The following MTOR variants were observed in gnomAD, a reference collection of about 807,000 sequenced individuals.
MTOR encodes the protein mechanistic target of rapamycin kinase, also known as serine/threonine-protein kinase mTOR.
MTOR carries 70 observed loss-of-function variants against 319.8 expected under a neutral mutation model. That is an observed-to-expected ratio of 0.22 (90% CI 0.18 to 0.27). The LOEUF (loss-of-function observed/expected upper bound fraction) is 0.27, where lower values mean the gene tolerates loss of function less well. Ranked by LOEUF, MTOR falls within the 10% of genes least tolerant of loss-of-function variation. The probability of loss-of-function intolerance (pLI) is 1.00; values close to 1 mark genes in which losing one functional copy is unlikely to be tolerated. For missense variants in MTOR, 1,890 were observed against 3,274.4 expected (o/e 0.58, Z 10.32); for synonymous variants, 1,183 against 1,211.4 (o/e 0.98, Z 0.49).
rs1286910536 is a variant in MTOR at position 11,210,775 on chromosome 1, AC to A, written c.3654+38del. 3 of 1,429,196 alleles carry A rather than the reference AC, an allele frequency of 2.1e-6. No homozygotes were observed. In the African/African-American group the frequency reaches 4.3e-5, roughly 20 times the overall value. 88.5% of individuals were successfully genotyped at this position (1,429,196 alleles called of 1,614,324 possible). ...ATTACAAGAATATCAAGTAGTAAAG[AC>A]AACAGGGACTTCAGAACAGAAAAGA... On this transcript the variant is annotated intron_variant, in intron 24 of 57. Transcript: ENST00000361445.
At chr1:11,159,814 C>T (rs1461247128) in intron 29 of MTOR, among the ~76,000 whole-genome samples, 1 of 152,048 alleles carries the variant, frequency 6.6e-6, no homozygotes, top group Non-Finnish European at 1.5e-5. Flanking sequence ...CAAGGCAAAC[C>T]ACAGTAAGCA....
At chr1:11,209,063 A>G (rs751752822) in intron 25 of MTOR, among the ~76,000 whole-genome samples, 12 of 152,206 alleles carry the variant, frequency 7.9e-5, no homozygotes, top group Non-Finnish European at 1.6e-4. Flanking sequence ...ATTTGCAACA[A>G]AAGGTTCTAC....
At position 11,176,113 on chromosome 1, in the gene MTOR, G is replaced by A. The variant is rs181814373; in HGVS notation, c.4254-8596C>T. Among the ~76,000 whole-genome samples the A allele has an allele frequency of 9.9e-5, 15 of 152,264 alleles. No homozygotes were observed. The East Asian group carries it at 1.2e-3, about 12-fold the overall frequency. On this transcript the variant is annotated intron_variant, in intron 28 of 57. Transcript: ENST00000361445. ...AATAGTGGGTCATTAACTGCTCAAG[G>A]ACTTAATGCTGACCCACAGCAAAGC... is the stretch of plus-strand genomic sequence containing the variant.
chr1:11,183,427 C>T (rs1237278565), intron 28 of MTOR, among the ~76,000 whole-genome samples: 1 of 152,102 alleles, frequency 6.6e-6, no homozygotes, highest in African/African-American at 2.4e-5. Context: ...ACCACTGTAC[C>T]TGGCTTCTTT....
rs575638023 is a variant in MTOR, at chr1:11,152,006, C to G, written c.4470-1780G>C. On this transcript the variant is annotated intron_variant, in intron 30 of 57. Coordinates refer to ENST00000361445, the MANE Select transcript of MTOR (RefSeq NM_004958.4). ...GACAAAGCAGGGAGCAATGTAGGAA[C>G]AGCAACTCAGAAGGGCAAGCCCTAG... is the stretch of plus-strand genomic sequence containing the variant. Among the ~76,000 whole-genome samples the G allele has an allele frequency of 9.5e-4, 145 of 152,314 alleles. 3 individuals are homozygous for G. Among genetic ancestry groups the G allele is most frequent in the South Asian group, 7.7e-3 (37 of 4,830 alleles).
chr1:11,136,844 A>AT lies in MTOR; in HGVS notation c.5131-2379dup, dbSNP rs113225104. On this transcript the variant is annotated intron_variant, in intron 36 of 57. Transcript: ENST00000361445. ...ACTACATTGACCAGTCTTAAATCTG[A>AT]TTTTTTTTTTTTTTGAAACAGAGTT... Among the ~76,000 whole-genome samples the AT allele has an allele frequency of 5.6e-3, 724 of 129,534 alleles. 4 individuals are homozygous for AT. The highest frequency in any genetic ancestry group is 0.013 in the African/African-American group (477 of 35,388). 85.0% of individuals were successfully genotyped at this position (129,534 alleles called of 152,430 possible). A position where few individuals can be genotyped will look rare whatever the true frequency, so the allele number is the denominator to read the frequency against.
intron 5 of MTOR, among the ~76,000 whole-genome samples, chr1:11,254,768 CTTT>C (rs1260367652): frequency 7.0e-6 from 1 of 141,990 alleles, no homozygotes. Context: ...AAAGAGATGT[CTTT>C]TTTTTTTTTT....
At chr1:11,201,610 G>A (rs1172182757) in intron 26 of MTOR, among the ~76,000 whole-genome samples, 3 of 152,006 alleles carry the variant, frequency 2.0e-5, no homozygotes, top group African/African-American at 7.3e-5. Flanking sequence ...AATATCCAAT[G>A]CAGAAAAATT....
chr1:11,111,916 G>A (rs890928617), intron 54 of MTOR, among the ~76,000 whole-genome samples: 1 of 151,734 alleles, frequency 6.6e-6, no homozygotes, highest in East Asian at 1.9e-4. Context: ...TGGGGAGTGC[G>A]GGGAAGAGGG....
In MTOR at chr1:11,183,597, T is replaced by C. The variant is rs981125810; in HGVS notation, c.4253+15661A>G. Among the ~76,000 whole-genome samples, 4 of 152,248 alleles carry C rather than the reference T, an allele frequency of 2.6e-5. No homozygotes were observed. In the East Asian group the frequency reaches 5.8e-4, roughly 22 times the overall value. ...CTTCCAATGAACAGAATGACTACTT[T>C]TGTTGCATTTCTTAATATTTTCCTT... On this transcript the variant is annotated intron_variant, in intron 28 of 57. Coordinates refer to ENST00000361445, the MANE Select transcript of MTOR (RefSeq NM_004958.4).
chr1:11,149,835 G>A (rs980593710), intron 31 of MTOR, among the ~76,000 whole-genome samples: 1 of 152,192 alleles, frequency 6.6e-6, no homozygotes, highest in Admixed American at 6.5e-5. Flanking sequence ...TCAGTACTCT[G>A]TGTGAGTGTG....
At chr1:11,132,709 A>G (rs1184055437) in intron 38 of MTOR, 1 of 172,918 alleles carries the variant, frequency 5.8e-6, no homozygotes, top group East Asian at 1.5e-4. Flanking sequence ...GCAGGCAAGG[A>G]TGCAAATCAG....
At chr1:11,194,331 A>G in intron 28 of MTOR, 1 of 867,256 alleles carries the variant, frequency 1.2e-6, no homozygotes, top group South Asian at 1.6e-5. Flanking sequence ...GTAAACAAGT[A>G]ATAAAGTCTT....
intron 28 of MTOR, among the ~76,000 whole-genome samples, chr1:11,184,496 G>T (rs939277326): frequency 1.3e-5 from 2 of 152,164 alleles, no homozygotes; most frequent in Non-Finnish European, 2.9e-5. Context: ...CACTTCGGGA[G>T]GTTGAGATGG....
At chr1:11,255,381 C>CA (rs1650240272) in intron 5 of MTOR, among the ~76,000 whole-genome samples, 1 of 43,012 alleles carries the variant, frequency 2.3e-5, no homozygotes, top group African/African-American at 1.3e-4. Context: ...GACTCCATCT[C>CA]CAAAAAAAAA....
At chr1:11,147,616 T>A (rs562961364) in intron 31 of MTOR, among the ~76,000 whole-genome samples, 1 of 152,232 alleles carries the variant, frequency 6.6e-6, no homozygotes, top group Admixed American at 6.5e-5. Context: ...TAACAATGAC[T>A]CCTCAGGAAG....
intron 18 of MTOR, among the ~76,000 whole-genome samples, chr1:11,230,467 G>A (rs1009189636): frequency 6.6e-6 from 1 of 152,110 alleles, no homozygotes; most frequent in African/African-American, 2.4e-5. Flanking sequence ...ACGGAAAAAA[G>A]AGCCCCAAAT....
At chr1:11,185,703 T>C (rs1645297593) in intron 28 of MTOR, among the ~76,000 whole-genome samples, 1 of 152,134 alleles carries the variant, frequency 6.6e-6, no homozygotes, top group Non-Finnish European at 1.5e-5. Context: ...AGTGGCAAAT[T>C]AGAAAGCTCA....
chr1:11,259,442 T>G lies in MTOR; in HGVS notation c.-14-19A>C, dbSNP rs1344632725. On this transcript the variant is annotated intron_variant, in intron 1 of 57. Coordinates refer to ENST00000361445, the MANE Select transcript of MTOR (RefSeq NM_004958.4). ...TGAGGTTCTTTAGAGAGAAGTTTCC[T>G]TTAATATTCTGGATAAGAAAGTATG... 2.0e-6 allele frequency: 3 copies of G among 1,516,854 alleles called. No homozygotes were observed. The Admixed American group carries it at 7.1e-5, about 36-fold the overall frequency. The allele number at this position is 1,516,854 out of a possible 1,614,324, so 94.0% of individuals were successfully genotyped here. A position where few individuals can be genotyped will look rare whatever the true frequency, so the allele number is the denominator to read the frequency against.
Sources: gnomAD v4.1 joint callset for allele counts (sites outside exome capture counted in the v4.1 genomes callset) on GRCh38, gnomAD v4.1.1 for gene constraint, MANE v1.5 for transcripts, NCBI Gene and HGNC (gene_info 2026-07-23, HGNC 2026-07-21) for gene names.